The following GASK1A variants were observed in gnomAD, a reference collection of about 807,000 sequenced individuals.
GASK1A encodes the protein golgi associated kinase 1A, also known as Golgi-associated kinase 1A.
Under a neutral mutation model 41.2 loss-of-function variants are expected in GASK1A, and 40 were observed. The ratio of observed to expected loss-of-function variants is 0.97; its 90% CI spans 0.75 to 1.27. The LOEUF is 1.27. Ranked by LOEUF, GASK1A falls within the 50% of genes most tolerant of loss-of-function variation. The pLI is 0.00. For missense variants in GASK1A, 678 were observed against 745.1 expected, an observed-to-expected ratio of 0.91 and a Z score of 1.05; for synonymous variants, 316 against 307.1, an observed-to-expected ratio of 1.03 and a Z score of -0.30.
rs1323142439 is a variant in GASK1A at position 42,988,531 on chromosome 3, A to G, written c.3+8886A>G. ...GAGAAAAACGAGAAGAGTCAGACCC[A>G]GAGACACAGGGATGCGAGATGAAGA... On this transcript the variant is annotated intron_variant, in intron 1 of 4. Transcript: ENST00000430121. Among the ~76,000 whole-genome samples the G allele has an allele frequency of 2.0e-5, 3 of 152,268 alleles. No homozygotes were observed. The East Asian group carries it at 5.8e-4, about 29-fold the overall frequency.
chr3:43,029,656 A>G (rs1001703502), intron 1 of GASK1A, among the ~76,000 whole-genome samples: 13 of 152,132 alleles, frequency 8.5e-5, no homozygotes, highest in African/African-American at 2.4e-4. Flanking sequence ...TGCACCACTC[A>G]TGGAGGTGCT....
intron 2 of GASK1A, among the ~76,000 whole-genome samples, chr3:43,052,513 A>G (rs1032791840): frequency 3.3e-5 from 5 of 152,132 alleles, no homozygotes; most frequent in African/African-American, 1.2e-4. Flanking sequence ...CATCAAACCA[A>G]GTTTCCTTCA....
chr3:43,023,547 TG>T (rs1045754546), intron 1 of GASK1A, among the ~76,000 whole-genome samples: 1 of 152,210 alleles, frequency 6.6e-6, no homozygotes, highest in Non-Finnish European at 1.5e-5. Flanking sequence ...TGGCTTCCTC[TG>T]GGGAGGAGAA....
At chr3:42,988,457 G>T (rs1433035353) in intron 1 of GASK1A, among the ~76,000 whole-genome samples, 2 of 152,180 alleles carry the variant, frequency 1.3e-5, no homozygotes, top group Non-Finnish European at 2.9e-5. Flanking sequence ...ATCAGCCAAA[G>T]AACCGGTCAA....
chr3:42,985,175 AT>A (rs1386955952), intron 1 of GASK1A, among the ~76,000 whole-genome samples: 3 of 152,238 alleles, frequency 2.0e-5, no homozygotes, highest in Admixed American at 6.5e-5. Flanking sequence ...AATTAAAAAA[AT>A]AACTTATTCT....
At chr3:42,994,040 G>C (rs1437625502) in intron 1 of GASK1A, among the ~76,000 whole-genome samples, 1 of 152,316 alleles carries the variant, frequency 6.6e-6, no homozygotes, top group African/African-American at 2.4e-5. Context: ...AAATATGAAG[G>C]ACTCCCAGGT....
intron 1 of GASK1A, among the ~76,000 whole-genome samples, chr3:42,997,193 C>T (rs1487921082): frequency 6.6e-6 from 1 of 152,198 alleles, no homozygotes; most frequent in Non-Finnish European, 1.5e-5. Flanking sequence ...GCTACCTGCA[C>T]CTTGGGTGAC....
intron 1 of GASK1A, among the ~76,000 whole-genome samples, chr3:43,010,645 A>G (rs1219208291): frequency 6.6e-6 from 1 of 152,036 alleles, no homozygotes; most frequent in East Asian, 1.9e-4. Flanking sequence ...AAAAGCTAAT[A>G]TTTTCTAGGT....
At chr3:43,006,749 T>C (rs1229443230) in intron 1 of GASK1A, among the ~76,000 whole-genome samples, 1 of 152,132 alleles carries the variant, frequency 6.6e-6, no homozygotes, top group Admixed American at 6.5e-5. Context: ...GGGAGTACAA[T>C]CTCAGGAAAC....
chr3:43,000,967 A>G (rs1311135417), intron 1 of GASK1A, among the ~76,000 whole-genome samples: 2 of 152,188 alleles, frequency 1.3e-5, no homozygotes, highest in Non-Finnish European at 2.9e-5. Context: ...TTGAGACCCT[A>G]TGGCACCATC....
At position 43,038,157 on chromosome 3, in the gene GASK1A, C is replaced by T. The variant is rs80235493; in HGVS notation, c.1290+4604C>T. On this transcript the variant is annotated intron_variant, in intron 2 of 4. Coordinates refer to ENST00000430121, the MANE Select transcript of GASK1A (RefSeq NM_001129908.3). ...CAACACAATGTGTTCTGAAACTTTT[C>T]GTGACTCACACCATGCATCTGTGAT... Among the ~76,000 whole-genome samples the T allele has an allele frequency of 4.6e-5, 7 of 152,294 alleles. No homozygotes were observed. In the East Asian group the frequency reaches 9.6e-4, roughly 21 times the overall value.
At chr3:42,986,543 C>T (rs1289228695) in intron 1 of GASK1A, among the ~76,000 whole-genome samples, 1 of 152,126 alleles carries the variant, frequency 6.6e-6, no homozygotes, top group Non-Finnish European at 1.5e-5. Flanking sequence ...TGCAAAACCC[C>T]TGGAGGCAAA....
intron 1 of GASK1A, among the ~76,000 whole-genome samples, chr3:43,023,596 G>C (rs1372915851): frequency 1.3e-5 from 2 of 152,154 alleles, no homozygotes; most frequent in Non-Finnish European, 2.9e-5. Context: ...TTTGGTATAT[G>C]GGTTTTTAAC....
At chr3:43,020,077 C>G (rs1012173012) in intron 1 of GASK1A, among the ~76,000 whole-genome samples, 1 of 152,122 alleles carries the variant, frequency 6.6e-6, no homozygotes, top group Admixed American at 6.6e-5. Context: ...TATTTGTAGG[C>G]AGTGGAGGTG....
chr3:42,989,208 T>C (rs77175513), intron 1 of GASK1A, among the ~76,000 whole-genome samples: 8 of 151,772 alleles, frequency 5.3e-5, no homozygotes, highest in Non-Finnish European at 8.8e-5. Context: ...GAAACGTCGA[T>C]AGGGGGAGAG....
Position 43,056,441 on chromosome 3 carries a change from GGCT to G in GASK1A, c.*56_*58del, listed in dbSNP as rs2089716989. On this transcript the variant is annotated 3_prime_UTR_variant, in exon 5 of 5. Transcript: ENST00000430121. ...CCATCCTGATGGCCACATTTTCTTG[GGCT>G]CACTCATCTTGAGGACAAATGGGAA... 1 of 1,415,500 alleles carries G rather than the reference GGCT, an allele frequency of 7.1e-7. No homozygotes were observed. Among genetic ancestry groups the G allele is most frequent in the Non-Finnish European group, 9.4e-7 (1 of 1,062,350 alleles). 87.7% of individuals were successfully genotyped at this position (1,415,500 alleles called of 1,614,324 possible).
At chr3:43,014,832 A>G (rs1018175129) in intron 1 of GASK1A, among the ~76,000 whole-genome samples, 5 of 150,842 alleles carry the variant, frequency 3.3e-5, no homozygotes, top group African/African-American at 1.2e-4. Context: ...GGAAAGGCCA[A>G]TGGGAAGTCA....
At chr3:43,012,447 A>C (rs2089468479) in intron 1 of GASK1A, among the ~76,000 whole-genome samples, 1 of 151,010 alleles carries the variant, frequency 6.6e-6, no homozygotes, top group African/African-American at 2.4e-5. Context: ...AGGAAGGGGC[A>C]GTGTGAAGCC....
rs1024945026 is a variant in GASK1A, at chr3:43,033,578, T to C, written c.1290+25T>C. The C allele has an allele frequency of 6.7e-6, 10 of 1,498,156 alleles. No individual in the cohort carries two copies. In the African/African-American group the frequency reaches 1.2e-4, roughly 19 times the overall value. 92.8% of individuals were successfully genotyped at this position (1,498,156 alleles called of 1,614,324 possible). A position where few individuals can be genotyped will look rare whatever the true frequency, so the allele number is the denominator to read the frequency against. ...GGTAGGTGGGGTTGGGCAGCAGGGGTAGAGAGCTGCGGAGGTAGGGGGTTC... is the reference window on the plus strand; with the variant it reads ...GGTAGGTGGGGTTGGGCAGCAGGGGCAGAGAGCTGCGGAGGTAGGGGGTTC... On this transcript the variant is annotated intron_variant, in intron 2 of 4. Coordinates refer to ENST00000430121, the MANE Select transcript of GASK1A (RefSeq NM_001129908.3).
Sources: allele counts gnomAD v4.1 joint callset (sites outside exome capture counted in the v4.1 genomes callset), GRCh38; gene constraint gnomAD v4.1.1; transcripts MANE v1.5; gene names NCBI Gene and HGNC (gene_info 2026-07-23, HGNC 2026-07-21).